DAB1: variants seen among roughly 807,000 people sequenced by gnomAD.
DAB1 encodes the protein disabled homolog 1.
DAB1 carries 15 observed loss-of-function variants against 64.6 expected under a neutral mutation model. That is an observed-to-expected ratio of 0.23 (90% confidence interval 0.16 to 0.36). The LOEUF (loss-of-function observed/expected upper bound fraction) is 0.36. Ranked by LOEUF, DAB1 falls within the 10% of genes least tolerant of loss-of-function variation. The pLI, the probability that DAB1 is intolerant of heterozygous loss-of-function variation, is 1.00. For synonymous variants in DAB1, 235 were observed against 251.9 expected, an observed-to-expected ratio of 0.93 and a Z score of 0.64; for missense variants, 596 against 706.7, an observed-to-expected ratio of 0.84 and a Z score of 1.78.
chr1:57,040,445 T>C (rs1647612101), intron 9 of DAB1, among the ~76,000 whole-genome samples: 1 of 152,150 alleles, frequency 6.6e-6, no homozygotes, highest in Admixed American at 6.5e-5. Flanking sequence ...GAATATATAA[T>C]TTACACACTC....
In DAB1 at chr1:57,072,427, A is replaced by C. The variant is rs1211426509; in HGVS notation, c.307-13T>G. The stretch of plus-strand genomic sequence containing the variant: ...GATGCTGAAGGGCCTATCAGAGAAA[A>C]AAAAGGAAGAACATATTTCAGGGGA... On this transcript the variant is annotated splice_polypyrimidine_tract_variant and intron_variant, in intron 4 of 14. Transcript: ENST00000371236. 1 of 1,610,042 alleles carries C rather than the reference A, an allele frequency of 6.2e-7. No homozygotes were observed. The highest frequency in any genetic ancestry group is 1.1e-5 in the South Asian group (1 of 90,152).
chr1:57,330,131 C>G (rs765551036), intron 1 of DAB1, among the ~76,000 whole-genome samples: 1 of 152,158 alleles, frequency 6.6e-6, no homozygotes, highest in East Asian at 1.9e-4. Context: ...AAGTCATCTT[C>G]CTTCACTTAA....
At chr1:57,879,009 T>C (rs748769181) in intron 1 of DAB1, among the ~76,000 whole-genome samples, 2 of 152,188 alleles carry the variant, frequency 1.3e-5, no homozygotes, top group African/African-American at 2.4e-5. Flanking sequence ...AGGATTTTGT[T>C]CTTTTTTATG....
chr1:57,167,904 A>T (rs1046549033), intron 2 of DAB1, among the ~76,000 whole-genome samples: 40 of 152,254 alleles, frequency 2.6e-4, no homozygotes, highest in Non-Finnish European at 2.9e-5. Flanking sequence ...AATATCCAGC[A>T]TAATGTAGGT....
chr1:58,303,116 C>T (rs982461179), intron 4 of DAB1, among the ~76,000 whole-genome samples: 6 of 152,170 alleles, frequency 3.9e-5, no homozygotes, highest in African/African-American at 1.4e-4. Context: ...GTGGCTCCCT[C>T]CTCCCAGGAC....
chr1:57,713,871 A>G (rs112491581), intron 6 of DAB1, among the ~76,000 whole-genome samples: 8 of 152,094 alleles, frequency 5.3e-5, no homozygotes, highest in African/African-American at 1.9e-4. Context: ...AGACATAAAA[A>G]CTACATTACA....
intron 4 of DAB1, among the ~76,000 whole-genome samples, chr1:58,165,533 T>C (rs998506902): frequency 6.6e-6 from 1 of 152,218 alleles, no homozygotes; most frequent in African/African-American, 2.4e-5. Flanking sequence ...GAGCTTCCCA[T>C]ATGTAAGTAG....
intron 3 of DAB1, among the ~76,000 whole-genome samples, chr1:58,426,334 A>G (rs1448945779): frequency 6.6e-6 from 1 of 152,202 alleles, no homozygotes; most frequent in Non-Finnish European, 1.5e-5. Context: ...TTCAGGAAAC[A>G]GGAAGAAAGA....
chr1:58,023,352 T>C (rs558517033), intron 5 of DAB1, among the ~76,000 whole-genome samples: 4 of 152,250 alleles, frequency 2.6e-5, no homozygotes, highest in Admixed American at 2.0e-4. Flanking sequence ...TATAATTGTC[T>C]CTTCAACCAG....
In DAB1 at chr1:58,393,411, C is replaced by T. The variant is rs145499418; in HGVS notation, n.258-50008G>A. Among the ~76,000 whole-genome samples the T allele has an allele frequency of 2.3e-3, 343 of 152,268 alleles. 2 individuals carry two copies. Among genetic ancestry groups the T allele is most frequent in the African/African-American group, 7.7e-3 (320 of 41,558 alleles). ...GCTCTTATTTAAGTTCTAGGCATTA[C>T]GCTAAGAGTTTTATATGCACTATTC... is the stretch of plus-strand genomic sequence containing the variant. On this transcript the variant is annotated intron_variant and non_coding_transcript_variant, in intron 3 of 20. Transcript: ENST00000485760.
chr1:57,051,753 A>G (rs998304979), intron 9 of DAB1, among the ~76,000 whole-genome samples: 1 of 152,154 alleles, frequency 6.6e-6, no homozygotes, highest in Non-Finnish European at 1.5e-5. Flanking sequence ...TTCATGGATG[A>G]CTTAGACATG....
chr1:58,487,321 T>C (rs1308133314), intron 3 of DAB1, among the ~76,000 whole-genome samples: 4 of 152,260 alleles, frequency 2.6e-5, no homozygotes, highest in African/African-American at 9.6e-5. Flanking sequence ...GCTTTTCTTT[T>C]ATGATGCTGC....
intron 6 of DAB1, among the ~76,000 whole-genome samples, chr1:57,800,933 G>T (rs1651096752): frequency 6.6e-6 from 1 of 152,076 alleles, no homozygotes; most frequent in South Asian, 2.1e-4. Context: ...ATATACACAG[G>T]CATTTACTGA....
In DAB1 at chr1:57,656,850, T is replaced by C. The variant is rs182608737; in HGVS notation, n.552-7185A>G. ...GCTCTGTGTGATTCTGGACAAGTTATTTCCCCTTTCTAAAGTTTAGTTTCC... is the reference window on the plus strand; with the variant it reads ...GCTCTGTGTGATTCTGGACAAGTTACTTCCCCTTTCTAAAGTTTAGTTTCC... On this transcript the variant is annotated intron_variant and non_coding_transcript_variant, in intron 6 of 20. Coordinates refer to the DAB1 transcript ENST00000485760. Among the ~76,000 whole-genome samples, 293 of 152,368 alleles carry C rather than the reference T, an allele frequency of 1.9e-3. 1 individual carries two copies. The highest frequency in any genetic ancestry group is 0.01 in the Middle Eastern group (3 of 294).
intron 7 of DAB1, among the ~76,000 whole-genome samples, chr1:57,618,385 A>T (rs113926967): frequency 0.014 from 2,015 of 145,208 alleles, 57 homozygotes; most frequent in African/African-American, 0.049. Context: ...ACTGCACTCC[A>T]GCCTGGGTGG....
intron 9 of DAB1, among the ~76,000 whole-genome samples, chr1:57,052,536 A>C (rs1649295554): frequency 6.6e-6 from 1 of 152,196 alleles, no homozygotes; most frequent in East Asian, 1.9e-4. Flanking sequence ...TCAGAAGGCA[A>C]CACCATAACT....
At chr1:57,569,749 T>TA (rs908170231) in intron 7 of DAB1, among the ~76,000 whole-genome samples, 23 of 151,298 alleles carry the variant, frequency 1.5e-4, no homozygotes, top group Admixed American at 1.3e-3. Context: ...AGTATACTAA[T>TA]AAAAAAAAAG....
chr1:57,079,410 C>T (rs1652280394), intron 4 of DAB1, among the ~76,000 whole-genome samples: 1 of 152,144 alleles, frequency 6.6e-6, no homozygotes, highest in African/African-American at 2.4e-5. Context: ...GATGCCAGGT[C>T]ACACAGCTAT....
intron 5 of DAB1, among the ~76,000 whole-genome samples, chr1:58,024,750 A>T (rs1646864254): frequency 6.6e-6 from 1 of 152,164 alleles, no homozygotes; most frequent in African/African-American, 2.4e-5. Context: ...GGTAGACAGT[A>T]AAGTAAATTG....
Sources: allele counts gnomAD v4.1 joint callset (sites outside exome capture counted in the v4.1 genomes callset), GRCh38; gene constraint gnomAD v4.1.1; transcripts MANE v1.5; gene names NCBI Gene and HGNC (gene_info 2026-07-23, HGNC 2026-07-21).